Variants in TMEM68 observed in about 807,000 individuals in gnomAD.
The protein encoded by TMEM68 is transmembrane protein 68.
In TMEM68, 25 loss-of-function variants were observed where a neutral mutation model predicts 36.9. The ratio of observed to expected loss-of-function variants is 0.68; its 90% CI spans 0.49 to 0.95. TMEM68 has a LOEUF of 0.95. TMEM68 is among the 40% of genes least tolerant of loss of function. The probability of loss-of-function intolerance (pLI) is 0.00; values close to 1 mark genes in which losing one functional copy is unlikely to be tolerated. For missense variants in TMEM68, 333 were observed against 392.0 expected, an observed-to-expected ratio of 0.85 and a Z score of 1.27; for synonymous variants, 131 against 124.4, an observed-to-expected ratio of 1.05 and a Z score of -0.35.
intron 3 of TMEM68, among the ~76,000 whole-genome samples, chr8:55,760,347 C>G (rs1810743747): frequency 1.3e-5 from 2 of 152,236 alleles, no homozygotes; most frequent in African/African-American, 4.8e-5. Context: ...TTACAGACCA[C>G]AGCCTCCACG....
At chr8:55,766,524 C>T (rs1289424218) in intron 1 of TMEM68, among the ~76,000 whole-genome samples, 1 of 151,862 alleles carries the variant, frequency 6.6e-6, no homozygotes, top group Admixed American at 6.6e-5. Flanking sequence ...CTAAAGGTGC[C>T]CGCCACCACG....
intron 4 of TMEM68, chr8:55,751,451 TAAG>T: frequency 2.3e-6 from 1 of 430,996 alleles, no homozygotes; most frequent in Non-Finnish European, 4.3e-6. Flanking sequence ...GTCACACATC[TAAG>T]AAGTGGCAGG....
At chr8:55,765,180 T>TA (rs929968767) in intron 1 of TMEM68, among the ~76,000 whole-genome samples, 1 of 152,250 alleles carries the variant, frequency 6.6e-6, no homozygotes, top group African/African-American at 2.4e-5. Context: ...GTCTTCCTTA[T>TA]ACTTAACTTC....
intron 4 of TMEM68, among the ~76,000 whole-genome samples, chr8:55,755,380 C>A (rs766481081): frequency 2.8e-4 from 42 of 151,576 alleles, no homozygotes; most frequent in Non-Finnish European, 1.3e-4. Context: ...GATTCTCTTG[C>A]CTCAGCTTCC....
At chr8:55,763,088 C>T in intron 2 of TMEM68, 60 bp from the exon 3 acceptor site, 1 of 1,042,540 alleles carries the variant, frequency 9.6e-7, no homozygotes, top group Non-Finnish European at 1.3e-6. Flanking sequence ...AAATGTTTTA[C>T]TCTACTTAAA....
Position 55,756,129 on chromosome 8 carries a change from C to T in TMEM68, c.493+115G>A, listed in dbSNP as rs897759445. 2 of 829,016 alleles carry T rather than the reference C, an allele frequency of 2.4e-6. No homozygotes were observed. The highest frequency in any genetic ancestry group is 3.6e-5 in the African/African-American group (2 of 56,052). The allele number at this position is 829,016 out of a possible 1,614,324, so 51.4% of individuals were successfully genotyped here. A position where few individuals can be genotyped will look rare whatever the true frequency, so the allele number is the denominator to read the frequency against. ...GAGTTCCAAGAGTGTTATACACACC[C>T]TAAAAGGCAAAAAGCTTTTTCAAAT... On this transcript the variant is annotated intron_variant, in intron 4 of 7. Transcript: ENST00000434581.
intron 1 of TMEM68, among the ~76,000 whole-genome samples, chr8:55,769,182 G>C (rs1389455570): frequency 6.6e-6 from 1 of 151,370 alleles, no homozygotes; most frequent in East Asian, 1.9e-4. Context: ...AATTAGCCAG[G>C]CATCATGGTG....
At chr8:55,760,137 A>C (rs1340034247) in intron 3 of TMEM68, among the ~76,000 whole-genome samples, 1 of 152,270 alleles carries the variant, frequency 6.6e-6, no homozygotes, top group Non-Finnish European at 1.5e-5. Flanking sequence ...AAGGCCAACA[A>C]ATTTACTTCT....
chr8:55,756,230 C>T lies in TMEM68; in HGVS notation c.493+14G>A. On this transcript the variant is annotated intron_variant, in intron 4 of 7. Coordinates refer to ENST00000434581, the MANE Select transcript of TMEM68 (RefSeq NM_001286657.2). Reference sequence around the variant, plus strand: ...TAAAACATTTTTACATTACTATCTACAGTGAAAGTTTACCTGGAATTTTAA... The same window carrying T: ...TAAAACATTTTTACATTACTATCTATAGTGAAAGTTTACCTGGAATTTTAA... 1 of 1,594,450 alleles carries T rather than the reference C, an allele frequency of 6.3e-7. No individual in the cohort carries two copies. The highest frequency in any genetic ancestry group is 8.5e-7 in the Non-Finnish European group (1 of 1,174,542).
chr8:55,748,411 A>C (rs1423253122), intron 5 of TMEM68, among the ~76,000 whole-genome samples: 2 of 152,128 alleles, frequency 1.3e-5, no homozygotes, highest in Non-Finnish European at 2.9e-5. Context: ...ACCTCAAGTG[A>C]TCTGCCCACC....
intron 1 of TMEM68, among the ~76,000 whole-genome samples, chr8:55,766,020 A>C (rs1810951732): frequency 6.6e-6 from 1 of 152,218 alleles, no homozygotes. Context: ...ATAGACAGTA[A>C]ACAAAGAACT....
chr8:55,751,014 C>T lies in TMEM68; in HGVS notation c.637G>A (p.Val213Ile), dbSNP rs1004191342. ...ALISDETYNI[V>I]WGHRRGFAQV... is the part of the protein sequence containing the mutation. ...GCAAAGCCTCTGCGATGACCCCATA[C>T]GATGTTATAAGTTTCATCACTAATT... Residue 213 changes from valine (V) to isoleucine (I), a missense_variant, in exon 5 of 8, where the codon GTA becomes ATA. Val to Ile is a conservative substitution (Grantham distance 29). Coordinates refer to ENST00000434581, the MANE Select transcript of TMEM68 (RefSeq NM_001286657.2). 8 of 1,613,806 alleles carry T rather than the reference C, an allele frequency of 5.0e-6. No homozygotes were observed. The highest frequency in any genetic ancestry group is 2.2e-5 in the East Asian group (1 of 44,890).
At chr8:55,763,716 A>AGATGTTTT (rs1810877498) in intron 2 of TMEM68, 2 of 41,214 alleles carry the variant, frequency 4.9e-5, no homozygotes, top group African/African-American at 5.8e-5. Context: ...ACAAAAGAAA[A>AGATGTTTT]CATCAATATC....
At chr8:55,765,549 C>A (rs1312718993) in intron 1 of TMEM68, among the ~76,000 whole-genome samples, 1 of 152,212 alleles carries the variant, frequency 6.6e-6, no homozygotes, top group Non-Finnish European at 1.5e-5. Context: ...ATCAGTGTTA[C>A]ATGTTTGCTA....
At chr8:55,744,446 T>C (rs1472821046) in intron 6 of TMEM68, among the ~76,000 whole-genome samples, 8 of 149,414 alleles carry the variant, frequency 5.4e-5, no homozygotes, top group East Asian at 2.0e-4. Context: ...GCTGGGACTA[T>C]AGGTGCCCGC....
intron 5 of TMEM68, chr8:55,746,929 T>C (rs1403314803): frequency 6.6e-6 from 1 of 152,184 alleles, no homozygotes; most frequent in African/African-American, 2.4e-5. Context: ...ATGGAGGAAT[T>C]AAACAAACAG....
intron 3 of TMEM68, chr8:55,760,752 A>G (rs1810764276): frequency 1.3e-5 from 2 of 152,388 alleles, no homozygotes; most frequent in African/African-American, 2.4e-5. Flanking sequence ...GTATGAAATA[A>G]GCTACTCAAA....
chr8:55,740,220 T>C lies in TMEM68; in HGVS notation c.889-2A>G. Reference sequence around the variant, plus strand: ...CAAAGCTTGAACAGCATTCTTCGTCTATTAAGAAAACAAAAGAAAAGCTAT... The same window carrying C: ...CAAAGCTTGAACAGCATTCTTCGTCCATTAAGAAAACAAAAGAAAAGCTAT... On this transcript the variant is annotated splice_acceptor_variant, in intron 7 of 7. Coordinates refer to ENST00000434581, the MANE Select transcript of TMEM68 (RefSeq NM_001286657.2). LOFTEE classifies it high-confidence loss of function. 4 of 1,611,146 alleles carry C rather than the reference T, an allele frequency of 2.5e-6. No homozygotes were observed. The highest frequency in any genetic ancestry group is 3.4e-6 in the Non-Finnish European group (4 of 1,178,614).
chr8:55,769,018 T>TTAAAAAAACAAAAAAAA (rs1554556017), intron 1 of TMEM68, among the ~76,000 whole-genome samples: 1 of 82,094 alleles, frequency 1.2e-5, no homozygotes, highest in East Asian at 3.5e-4. Flanking sequence ...ACTCTGTCTT[T>TTAAAAAAACAAAAAAAA]AAAAAAAAAA....
Sources: gnomAD v4.1 joint callset for allele counts (sites outside exome capture counted in the v4.1 genomes callset) on GRCh38, gnomAD v4.1.1 for gene constraint, MANE v1.5 for transcripts, NCBI Gene and HGNC (gene_info 2026-07-23, HGNC 2026-07-21) for gene names.